RGS6: variants seen among roughly 807,000 people sequenced by gnomAD.
The protein encoded by RGS6 is regulator of G-protein signaling 6.
RGS6 carries 30 observed loss-of-function variants against 78.5 expected under a neutral mutation model. That is an observed-to-expected ratio of 0.38 (90% CI 0.29 to 0.52). The LOEUF is 0.52. Among genes scored for constraint, RGS6 ranks in the 20% least tolerant of loss-of-function variants. The pLI, the probability that RGS6 is intolerant of heterozygous loss-of-function variation, is 0.85. For synonymous variants in RGS6, 206 were observed against 206.0 expected, an observed-to-expected ratio of 1.00 and a Z score of 0.00; for missense variants, 495 against 609.7, an observed-to-expected ratio of 0.81 and a Z score of 1.98.
intron 2 of RGS6, among the ~76,000 whole-genome samples, chr14:72,127,671 G>A (rs904408471): frequency 6.6e-6 from 1 of 152,100 alleles, no homozygotes; most frequent in African/African-American, 2.4e-5. Flanking sequence ...AAATAACACA[G>A]AGTTCTAGCG....
At chr14:72,334,686 C>T (rs1467515105) in intron 2 of RGS6, among the ~76,000 whole-genome samples, 3 of 152,088 alleles carry the variant, frequency 2.0e-5, no homozygotes. Flanking sequence ...AAGTGGTGTC[C>T]CTGAAACTAG....
intron 10 of RGS6, among the ~76,000 whole-genome samples, chr14:72,475,847 C>CACAA (rs1357770277): frequency 6.6e-6 from 1 of 151,578 alleles, no homozygotes; most frequent in Non-Finnish European, 1.5e-5. Context: ...CACACACACA[C>CACAA]ACACACTAGA....
the RGS6 span, among the ~76,000 whole-genome samples, chr14:71,899,336 G>A: frequency 1.3e-5 from 2 of 152,078 alleles, no homozygotes; most frequent in Non-Finnish European, 1.5e-5. Context: ...TTATTAGCAG[G>A]GTTCCACCAA....
intron 2 of RGS6, among the ~76,000 whole-genome samples, chr14:72,250,459 AAAG>A (rs1175199678): frequency 1.3e-5 from 2 of 152,028 alleles, no homozygotes; most frequent in Non-Finnish European, 2.9e-5. Context: ...AAAAAAGAAA[AAAG>A]AAGTCCATTT....
intron 14 of RGS6, chr14:72,514,209 T>C (rs757654): frequency 0.22 from 34,138 of 152,098 alleles, 5,065 homozygotes; most frequent in African/African-American, 0.43. Context: ...AAGTTTAAGC[T>C]CTGCTGCCTA....
intron 3 of RGS6, among the ~76,000 whole-genome samples, chr14:72,450,770 C>T (rs1486707269): frequency 1.3e-5 from 2 of 151,952 alleles, no homozygotes; most frequent in South Asian, 2.1e-4. Flanking sequence ...AAAGGGTGAT[C>T]GTGGGTTAGC....
intron 2 of RGS6, among the ~76,000 whole-genome samples, chr14:72,218,413 A>G (rs1479150729): frequency 6.6e-6 from 1 of 152,014 alleles, no homozygotes; most frequent in East Asian, 1.9e-4. Context: ...TTGAATTAAT[A>G]TGTTGTATCA....
At chr14:72,203,560 GTCATGGCTGTTGGCTGACCTCAAATCCA>G in intron 2 of RGS6, among the ~76,000 whole-genome samples, 1 of 152,086 alleles carries the variant, frequency 6.6e-6, no homozygotes, top group Non-Finnish European at 1.5e-5. Flanking sequence ...CCTCAAATCC[GTCATGGCTGTTGGCTGACCTCAAATCCA>G]TCATGGCTGT....
intron 15 of RGS6, among the ~76,000 whole-genome samples, chr14:72,529,334 AG>A (rs1185048140): frequency 6.6e-6 from 1 of 152,160 alleles, no homozygotes. Flanking sequence ...GTTCCCTTGA[AG>A]GGTGGTTCAG....
At chr14:72,557,568 A>C (rs2097598642) in intron 17 of RGS6, among the ~76,000 whole-genome samples, 2 of 151,170 alleles carry the variant, frequency 1.3e-5, no homozygotes, top group Admixed American at 6.6e-5. Flanking sequence ...CCCCAACCCC[A>C]CCCCAGGCCT....
At chr14:72,540,488 T>A (rs1311176448) in intron 17 of RGS6, 43 of 1,493,506 alleles carry the variant, frequency 2.9e-5, no homozygotes, top group East Asian at 2.6e-4. Context: ...CCATAGCTCA[T>A]CGAAAAAAAA....
intron 2 of RGS6, among the ~76,000 whole-genome samples, chr14:72,183,804 G>T (rs149181902): frequency 8.5e-4 from 130 of 152,316 alleles, no homozygotes; most frequent in Middle Eastern, 3.4e-3. Context: ...CCTCAGAGCT[G>T]CCTCTATGTG....
intron 16 of RGS6, among the ~76,000 whole-genome samples, chr14:72,539,669 T>C (rs1276157091): frequency 6.6e-6 from 1 of 152,212 alleles, no homozygotes; most frequent in Non-Finnish European, 1.5e-5. Context: ...CCAGGGCTCC[T>C]GCCTGTGGGC....
the RGS6 span, among the ~76,000 whole-genome samples, chr14:71,926,260 T>G: frequency 1.3e-5 from 2 of 152,216 alleles, no homozygotes; most frequent in Non-Finnish European, 2.9e-5. Flanking sequence ...TCAAATTATC[T>G]TACAAATTTC....
intron 2 of RGS6, among the ~76,000 whole-genome samples, chr14:72,029,973 C>T (rs1272155673): frequency 6.6e-6 from 1 of 152,180 alleles, no homozygotes; most frequent in African/African-American, 2.4e-5. Context: ...AATATGCAAT[C>T]TTTTCTCTTT....
chr14:72,545,157 GGTTA>G (rs1463942254), intron 17 of RGS6, among the ~76,000 whole-genome samples: 12 of 152,248 alleles, frequency 7.9e-5, no homozygotes, highest in Admixed American at 6.5e-5. Flanking sequence ...CTTTCCAAAG[GGTTA>G]GTTTTTATTG....
chr14:72,158,932 A>T (rs1318360869), intron 2 of RGS6, among the ~76,000 whole-genome samples: 1 of 152,122 alleles, frequency 6.6e-6, no homozygotes, highest in African/African-American at 2.4e-5. Context: ...AAGTTACTTA[A>T]CCCACCTGTG....
At chr14:72,448,770 T>C (rs2095426734) in intron 3 of RGS6, among the ~76,000 whole-genome samples, 1 of 152,222 alleles carries the variant, frequency 6.6e-6, no homozygotes. Context: ...TTGTTTTTTC[T>C]TTATACTACT....
chr14:72,049,087 G>T (rs775836248), intron 2 of RGS6, among the ~76,000 whole-genome samples: 2 of 152,182 alleles, frequency 1.3e-5, no homozygotes, highest in Non-Finnish European at 2.9e-5. Flanking sequence ...AAGTAGAAGA[G>T]AAAAGTATAA....
Sources: allele counts gnomAD v4.1 joint callset (sites outside exome capture counted in the v4.1 genomes callset), GRCh38; gene constraint gnomAD v4.1.1; transcripts MANE v1.5; gene names NCBI Gene and HGNC (gene_info 2026-07-23, HGNC 2026-07-21).